STARD13: variants seen among roughly 807,000 people sequenced by gnomAD.
The protein encoded by STARD13 is StAR related lipid transfer domain containing 13, also known as stAR-related lipid transfer protein 13.
Under a neutral mutation model 106.4 loss-of-function variants are expected in STARD13, and 62 were observed. That is an observed-to-expected ratio of 0.58 (90% confidence interval 0.48 to 0.72). The LOEUF (loss-of-function observed/expected upper bound fraction) is 0.72. Ranked by LOEUF, STARD13 falls within the 30% of genes least tolerant of loss-of-function variation. STARD13 has a pLI of 0.00. For synonymous variants in STARD13, 565 were observed against 553.0 expected, an observed-to-expected ratio of 1.02 and a Z score of -0.31; for missense variants, 1,387 against 1,424.0, an observed-to-expected ratio of 0.97 and a Z score of 0.42.
At chr13:33,526,764 T>A in the STARD13 span, among the ~76,000 whole-genome samples, 1 of 152,088 alleles carries the variant, frequency 6.6e-6, no homozygotes, top group Non-Finnish European at 1.5e-5. Flanking sequence ...CTTTTAAAAG[T>A]GTGTGGCACA....
the STARD13 span, among the ~76,000 whole-genome samples, chr13:33,548,794 A>G: frequency 6.6e-6 from 1 of 152,180 alleles, no homozygotes; most frequent in Admixed American, 6.5e-5. Context: ...AGTATGCCTA[A>G]AGAATTTTCT....
At chr13:33,143,455 A>G (rs1880111884) in intron 3 of STARD13, among the ~76,000 whole-genome samples, 1 of 152,238 alleles carries the variant, frequency 6.6e-6, no homozygotes, top group African/African-American at 2.4e-5. Context: ...GAGTATACCA[A>G]TAATCATTCA....
intron 1 of STARD13, among the ~76,000 whole-genome samples, chr13:33,338,076 G>C (rs2077916799): frequency 6.6e-6 from 1 of 152,184 alleles, no homozygotes; most frequent in East Asian, 1.9e-4. Context: ...AATTCTGGTA[G>C]ATGTAGTTCC....
At chr13:33,370,915 C>G in the STARD13 span, among the ~76,000 whole-genome samples, 1 of 152,168 alleles carries the variant, frequency 6.6e-6, no homozygotes, top group East Asian at 1.9e-4. Flanking sequence ...GCAACCGCTC[C>G]CAGCCACTTT....
chr13:33,318,761 A>C (rs1251357135), intron 1 of STARD13, among the ~76,000 whole-genome samples: 1 of 152,184 alleles, frequency 6.6e-6, no homozygotes, highest in Non-Finnish European at 1.5e-5. Flanking sequence ...AGAGATTTGA[A>C]TATACATCTT....
chr13:33,653,883 T>G, the STARD13 span, among the ~76,000 whole-genome samples: 1 of 152,148 alleles, frequency 6.6e-6, no homozygotes, highest in Non-Finnish European at 1.5e-5. Flanking sequence ...TAAATAGACA[T>G]CTTCCTAAAT....
chr13:33,548,474 C>G, the STARD13 span, among the ~76,000 whole-genome samples: 4 of 152,008 alleles, frequency 2.6e-5, no homozygotes, highest in Non-Finnish European at 5.9e-5. Flanking sequence ...GGAGTGGACT[C>G]GTGGAAAATG....
the STARD13 span, among the ~76,000 whole-genome samples, chr13:33,466,166 A>G: frequency 1.3e-5 from 2 of 152,164 alleles, no homozygotes; most frequent in African/African-American, 4.8e-5. Flanking sequence ...AGTATATCCT[A>G]ATTTTCTCTC....
the STARD13 span, among the ~76,000 whole-genome samples, chr13:33,638,235 C>A: frequency 8.3e-4 from 127 of 152,216 alleles, no homozygotes; most frequent in African/African-American, 2.9e-3. Flanking sequence ...GGCTACAGCT[C>A]GGTTTTACAC....
the STARD13 span, among the ~76,000 whole-genome samples, chr13:33,575,570 C>T: frequency 4.6e-5 from 7 of 152,186 alleles, no homozygotes; most frequent in South Asian, 6.2e-4. Flanking sequence ...CCATGAATGG[C>T]TTGCTGCTGT....
intron 1 of STARD13, among the ~76,000 whole-genome samples, chr13:33,257,708 C>T (rs767617296): frequency 2.0e-5 from 3 of 152,278 alleles, no homozygotes; most frequent in African/African-American, 2.4e-5. Context: ...TTATTATACT[C>T]ATAATGAGAG....
chr13:33,106,612 T>A, intron 13 of STARD13, 146 bp downstream of exon 13: 1 of 627,390 alleles, frequency 1.6e-6, no homozygotes, highest in Admixed American at 2.9e-5. Flanking sequence ...AGGGGAGGCA[T>A]ACATATCCAC....
At chr13:33,627,738 T>G in the STARD13 span, among the ~76,000 whole-genome samples, 9 of 152,240 alleles carry the variant, frequency 5.9e-5, no homozygotes, top group East Asian at 1.7e-3. Context: ...CAGTGGTCCT[T>G]TCTGAATGTG....
Position 33,118,232 on chromosome 13 carries a change from G to T in STARD13, c.2114C>A (p.Ser705Tyr), listed in dbSNP as rs758737618. The T allele has an allele frequency of 6.3e-5, 102 of 1,614,040 alleles. No homozygotes were observed. The highest frequency in any genetic ancestry group is 8.5e-5 in the Non-Finnish European group (100 of 1,180,040). ...VGLFRKSGVK[S>Y]RIHALRQMNE... ...CATTTGGCGAAGGGCATGGATTCGA[G>T]ACTTCACTCCTGATTTGCGAAAAAG... Residue 705 changes from serine to tyrosine, a missense_variant, in exon 8 of 14, where the codon TCT becomes TAT. By Grantham distance (144) the Ser-to-Tyr change is moderately radical. Transcript: ENST00000336934.
At chr13:33,441,139 C>A in the STARD13 span, among the ~76,000 whole-genome samples, 1 of 152,118 alleles carries the variant, frequency 6.6e-6, no homozygotes, top group Admixed American at 6.5e-5. Flanking sequence ...ACCCATGACT[C>A]CTTCCTGTCC....
chr13:33,250,173 C>T (rs79058179), intron 1 of STARD13, among the ~76,000 whole-genome samples: 2,306 of 151,762 alleles, frequency 0.015, 52 homozygotes, highest in African/African-American at 0.05. Flanking sequence ...AGAGCAACAA[C>T]AATAAAAAAA....
chr13:33,640,878 C>T, the STARD13 span, among the ~76,000 whole-genome samples: 1 of 152,194 alleles, frequency 6.6e-6, no homozygotes, highest in Non-Finnish European at 1.5e-5. Context: ...ATCTCTTGGC[C>T]TCCCTGAAGT....
the STARD13 span, among the ~76,000 whole-genome samples, chr13:33,409,426 C>T: frequency 4.1e-4 from 62 of 152,204 alleles, no homozygotes; most frequent in Admixed American, 9.2e-4. Context: ...GTGCTAGCAG[C>T]TGTGCTTTGA....
chr13:33,200,382 C>T (rs750883117), intron 1 of STARD13, among the ~76,000 whole-genome samples: 3 of 152,188 alleles, frequency 2.0e-5, no homozygotes, highest in Non-Finnish European at 4.4e-5. Flanking sequence ...CAGGAGCTAC[C>T]GTGCCAGCCC....
Sources: allele counts gnomAD v4.1 joint callset (sites outside exome capture counted in the v4.1 genomes callset), GRCh38; gene constraint gnomAD v4.1.1; transcripts MANE v1.5; gene names NCBI Gene and HGNC (gene_info 2026-07-23, HGNC 2026-07-21).